ZFHX3: variants seen among roughly 807,000 people sequenced by gnomAD.
The protein encoded by ZFHX3 is zinc finger homeobox 3.
ZFHX3 carries 42 observed loss-of-function variants against 279.1 expected under a neutral mutation model. The ratio of observed to expected loss-of-function variants is 0.15; its 90% CI spans 0.12 to 0.19. The LOEUF is 0.19. Ranked by LOEUF, ZFHX3 falls within the 10% of genes least tolerant of loss-of-function variation. The probability of loss-of-function intolerance (pLI) is 1.00; values close to 1 mark genes in which losing one functional copy is unlikely to be tolerated. For missense variants in ZFHX3, 4,981 were observed against 4,754.0 expected (o/e 1.05, Z -1.40); for synonymous variants, 2,293 against 1,957.8 (o/e 1.17, Z -4.52).
intron 1 of ZFHX3, among the ~76,000 whole-genome samples, chr16:73,689,906 G>A (rs527922829): frequency 2.7e-5 from 4 of 150,768 alleles, no homozygotes; most frequent in Middle Eastern, 3.4e-3. Context: ...TGCAACCTCC[G>A]CCTCCCAGGT....
At chr16:73,092,151 C>T (rs1175449637) in intron 8 of ZFHX3, among the ~76,000 whole-genome samples, 3 of 152,190 alleles carry the variant, frequency 2.0e-5, no homozygotes, top group Admixed American at 6.6e-5. Flanking sequence ...CCCAAGAACA[C>T]GCAGCTAGTG....
chr16:73,696,808 T>A (rs1391031416), intron 1 of ZFHX3, among the ~76,000 whole-genome samples: 1 of 152,152 alleles, frequency 6.6e-6, no homozygotes, highest in Non-Finnish European at 1.5e-5. Flanking sequence ...CTTTCATATC[T>A]TTAGTCTTCC....
intron 4 of ZFHX3, among the ~76,000 whole-genome samples, chr16:73,298,147 A>G (rs1338107171): frequency 2.0e-5 from 3 of 151,654 alleles, no homozygotes; most frequent in Non-Finnish European, 4.4e-5. Context: ...GCTATGATTG[A>G]GTCACTGTAT....
rs763170874 is a variant in ZFHX3, at chr16:72,784,855, A to G, written c.*2309T>C. 2 of 152,584 alleles carry G rather than the reference A, an allele frequency of 1.3e-5. No homozygotes were observed. The highest frequency in any genetic ancestry group is 2.9e-5 in the Non-Finnish European group (2 of 68,032). The allele number at this position is 152,584 out of a possible 1,614,324, so 9.5% of individuals were successfully genotyped here. A position where few individuals can be genotyped will look rare whatever the true frequency, so the allele number is the denominator to read the frequency against. On this transcript the variant is annotated 3_prime_UTR_variant, in exon 10 of 10. Coordinates refer to ENST00000268489, the MANE Select transcript of ZFHX3 (RefSeq NM_006885.4). ...TAGTTAGAAATATGTACAACATTTCAGGATCTACTATTTCATTAAACTAAA... is the reference window on the plus strand; with the variant it reads ...TAGTTAGAAATATGTACAACATTTCGGGATCTACTATTTCATTAAACTAAA...
intron 6 of ZFHX3, among the ~76,000 whole-genome samples, chr16:73,141,127 C>T (rs577863931): frequency 6.6e-6 from 1 of 152,244 alleles, no homozygotes; most frequent in African/African-American, 2.4e-5. Context: ...AATATAATAC[C>T]ACGCCTATGA....
chr16:73,384,309 T>A (rs1201961069), intron 3 of ZFHX3, among the ~76,000 whole-genome samples: 1 of 152,236 alleles, frequency 6.6e-6, no homozygotes, highest in Non-Finnish European at 1.5e-5. Flanking sequence ...TCATATGGGC[T>A]GCAAAGCCTG....
At chr16:73,123,198 T>G (rs904037937) in intron 7 of ZFHX3, 1 of 105,056 alleles carries the variant, frequency 9.5e-6, no homozygotes, top group African/African-American at 2.9e-5. Context: ...GTGTCCCATG[T>G]GGTAGATTAA....
chr16:73,730,666 G>A (rs1487487332), intron 1 of ZFHX3, among the ~76,000 whole-genome samples: 2 of 152,148 alleles, frequency 1.3e-5, no homozygotes, highest in Non-Finnish European at 2.9e-5. Context: ...CTTAAGCCTC[G>A]TTTATGCTAA....
chr16:73,744,883 C>A (rs1354968428), intron 1 of ZFHX3, among the ~76,000 whole-genome samples: 1 of 152,132 alleles, frequency 6.6e-6, no homozygotes, highest in Admixed American at 6.6e-5. Context: ...AAGAACTGCC[C>A]CAAACGAGAT....
intron 1 of ZFHX3, among the ~76,000 whole-genome samples, chr16:73,684,256 T>G (rs2053055754): frequency 6.6e-6 from 1 of 152,176 alleles, no homozygotes; most frequent in Admixed American, 6.5e-5. Context: ...CTATGCATTG[T>G]AGTTTTCCAA....
chr16:73,730,927 G>T (rs2053565026), intron 1 of ZFHX3, among the ~76,000 whole-genome samples: 1 of 152,124 alleles, frequency 6.6e-6, no homozygotes, highest in Non-Finnish European at 1.5e-5. Flanking sequence ...AGGGCTTAGC[G>T]GAACATTCCA....
intron 5 of ZFHX3, among the ~76,000 whole-genome samples, chr16:73,214,843 CTTTTTTTTTTTT>C (rs386385051): frequency 3.9e-3 from 313 of 79,266 alleles, no homozygotes; most frequent in Admixed American, 7.5e-3. Context: ...TGCTGAAGGC[CTTTTTTTTTTTT>C]TTTTTTTTTT....
intron 1 of ZFHX3, chr16:73,891,549 A>T (rs1238263597): frequency 1.3e-5 from 2 of 152,194 alleles, no homozygotes; most frequent in Non-Finnish European, 2.9e-5. Flanking sequence ...AAAGAGAGAG[A>T]ATATGAAAAG....
intron 3 of ZFHX3, among the ~76,000 whole-genome samples, chr16:72,908,985 C>G (rs904542408): frequency 6.6e-6 from 1 of 152,196 alleles, no homozygotes; most frequent in African/African-American, 2.4e-5. Context: ...ACTCAGTCTG[C>G]TGAATAAAAT....
chr16:72,867,686 A>C (rs1177256832), intron 4 of ZFHX3, among the ~76,000 whole-genome samples: 1 of 150,936 alleles, frequency 6.6e-6, no homozygotes. Flanking sequence ...GCCAAGGTGA[A>C]AAGTAGCGAA....
chr16:73,634,806 A>G (rs992535154), intron 2 of ZFHX3, among the ~76,000 whole-genome samples: 1 of 152,160 alleles, frequency 6.6e-6, no homozygotes, highest in Non-Finnish European at 1.5e-5. Flanking sequence ...AAGGAACAGG[A>G]CTACCTTCTC....
chr16:73,371,366 C>A (rs1316281711), intron 3 of ZFHX3, among the ~76,000 whole-genome samples: 2 of 151,858 alleles, frequency 1.3e-5, no homozygotes. Context: ...TTCTTAAGGT[C>A]AGTCATTCCA....
chr16:72,881,059 GA>G (rs1411189137), intron 4 of ZFHX3, among the ~76,000 whole-genome samples: 1 of 152,160 alleles, frequency 6.6e-6, no homozygotes, highest in African/African-American at 2.4e-5. Context: ...AAATATTAAG[GA>G]AAATGTAGCC....
At chr16:73,817,376 C>T (rs73601888) in intron 1 of ZFHX3, among the ~76,000 whole-genome samples, 7,760 of 152,258 alleles carry the variant, frequency 0.051, 445 homozygotes, top group African/African-American at 0.14. Flanking sequence ...CTCAAAGTTG[C>T]TCTGGCAGGT....
Sources: allele counts gnomAD v4.1 joint callset (sites outside exome capture counted in the v4.1 genomes callset), GRCh38; gene constraint gnomAD v4.1.1; transcripts MANE v1.5; gene names NCBI Gene and HGNC (gene_info 2026-07-23, HGNC 2026-07-21).